HFM1: variants seen among roughly 807,000 people sequenced by gnomAD.
The protein encoded by HFM1 is helicase for meiosis 1.
In HFM1, 169 loss-of-function variants were observed where a neutral mutation model predicts 192.1. That is an observed-to-expected ratio of 0.88 (90% CI 0.78 to 1.00). The LOEUF is 1.00. HFM1 is among the 50% of genes least tolerant of loss of function. The pLI is 0.00. For synonymous variants in HFM1, 525 were observed against 537.8 expected, an observed-to-expected ratio of 0.98 and a Z score of 0.33; for missense variants, 1,661 against 1,668.0, an observed-to-expected ratio of 1.00 and a Z score of 0.07.
chr1:91,280,109 CAAAT>C (rs2100813072), intron 30 of HFM1, among the ~76,000 whole-genome samples: 1 of 152,060 alleles, frequency 6.6e-6, no homozygotes, highest in South Asian at 2.1e-4. Context: ...CAAGATTAAA[CAAAT>C]AAATTTTAAA....
chr1:91,407,379 C>G (rs1011976964), upstream of HFM1, among the ~76,000 whole-genome samples: 9 of 152,120 alleles, frequency 5.9e-5, no homozygotes, highest in Non-Finnish European at 1.2e-4. Context: ...AAATTTCTGC[C>G]CATTAAACAG....
chr1:91,392,647 TGAC>T (rs1663148718), intron 4 of HFM1, among the ~76,000 whole-genome samples: 1 of 152,040 alleles, frequency 6.6e-6, no homozygotes, highest in Non-Finnish European at 1.5e-5. Context: ...CTAATGTAAA[TGAC>T]GAGTTAATGG....
intron 30 of HFM1, among the ~76,000 whole-genome samples, chr1:91,281,298 T>C (rs1667442926): frequency 1.3e-5 from 2 of 151,550 alleles, no homozygotes; most frequent in Admixed American, 6.6e-5. Flanking sequence ...TTGCTTCCCC[T>C]GAAGTTTTGC....
At chr1:91,274,896 T>C in intron 32 of HFM1, 87 bp from the exon 33 acceptor site, 1 of 579,116 alleles carries the variant, frequency 1.7e-6, no homozygotes, top group Non-Finnish European at 3.1e-6. Context: ...TTCCTGCTGG[T>C]ACATAAAGTC....
chr1:91,372,658 G>A (rs1042823812), intron 13 of HFM1, among the ~76,000 whole-genome samples: 1 of 152,026 alleles, frequency 6.6e-6, no homozygotes, highest in African/African-American at 2.4e-5. Context: ...AATGGGTGCA[G>A]CACACCAACA....
intron 1 of HFM1, among the ~76,000 whole-genome samples, chr1:91,402,593 C>G (rs1309741684): frequency 1.3e-5 from 2 of 152,070 alleles, no homozygotes; most frequent in Non-Finnish European, 2.9e-5. Context: ...AAGTCTTTAA[C>G]AGCTTTAAGT....
At chr1:91,315,706 T>C (rs778545456) in intron 28 of HFM1, 109 bp downstream of exon 28, 1 of 699,868 alleles carries the variant, frequency 1.4e-6, no homozygotes, top group Non-Finnish European at 2.3e-6. Flanking sequence ...GTCAGGAAAA[T>C]GTAATTTAGT....
intron 16 of HFM1, 143 bp downstream of exon 16, chr1:91,352,362 CT>C: frequency 3.7e-6 from 2 of 545,960 alleles, no homozygotes; most frequent in Non-Finnish European, 6.3e-6. Context: ...GCTTGTCTTA[CT>C]TTTATTCCTC....
intron 5 of HFM1, 80 bp downstream of exon 5, chr1:91,385,495 A>T (rs994982088): frequency 2.5e-6 from 3 of 1,195,598 alleles, no homozygotes; most frequent in Middle Eastern, 2.2e-4. Flanking sequence ...CAAATTTACT[A>T]TATTTTTACA....
chr1:91,371,116 T>C (rs1660125152), intron 13 of HFM1, among the ~76,000 whole-genome samples: 1 of 151,880 alleles, frequency 6.6e-6, no homozygotes. Flanking sequence ...GGAAGAACAT[T>C]CCATGCTCAT....
rs1180326619 is a variant in HFM1, at chr1:91,288,968, C to T, written c.3392-11906G>A. Reference sequence around the variant, plus strand: ...ACGGGCCGGCCGGGCAGAGGCGCCCCCCACCTCCCGGACGGGGCGGCTGGT... The same window carrying T: ...ACGGGCCGGCCGGGCAGAGGCGCCCTCCACCTCCCGGACGGGGCGGCTGGT... On this transcript the variant is annotated intron_variant, in intron 30 of 38. Coordinates refer to ENST00000370425, the MANE Select transcript of HFM1 (RefSeq NM_001017975.6). Among the ~76,000 whole-genome samples the T allele has an allele frequency of 2.7e-5, 4 of 150,704 alleles. No individual in the cohort carries two copies. In the East Asian group the frequency reaches 8.0e-4, roughly 30 times the overall value.
intron 13 of HFM1, among the ~76,000 whole-genome samples, chr1:91,369,632 G>A (rs992463875): frequency 6.6e-6 from 1 of 152,102 alleles, no homozygotes; most frequent in African/African-American, 2.4e-5. Flanking sequence ...GCCCACAAGA[G>A]AAAGCAGGAA....
At chr1:91,316,079 C>T (rs769355520) in intron 27 of HFM1, 22 bp downstream of exon 27, 8 of 1,518,548 alleles carry the variant, frequency 5.3e-6, no homozygotes, top group Non-Finnish European at 7.3e-6. Context: ...AATAAAATAT[C>T]TAAGAAACAG....
In HFM1 at chr1:91,261,301, C is replaced by T. The variant is rs1487727392; in HGVS notation, c.4297G>A (p.Gly1433Ser). 7.4e-7 allele frequency: 1 copy of T among 1,352,992 alleles called. No homozygotes were observed. The highest frequency in any genetic ancestry group is 9.8e-7 in the Non-Finnish European group (1 of 1,018,088). The allele number at this position is 1,352,992 out of a possible 1,614,324, so 83.8% of individuals were successfully genotyped here. A position where few individuals can be genotyped will look rare whatever the true frequency, so the allele number is the denominator to read the frequency against. Residue 1433 changes from glycine (G) to serine (S), a missense_variant, in exon 39 of 39, where the codon GGT becomes AGT. By Grantham distance (56) the Gly-to-Ser change is moderately conservative (BLOSUM62 0). Transcript: ENST00000370425. The stretch of plus-strand genomic sequence containing the variant: ...AGTATTTGTTTGTTTTAGAAAATAC[C>T]ATCAAATATTCCCAATAAAGACTTC... ...EMKSLLGIFDGIF is the reference protein window; with the variant it reads ...EMKSLLGIFDSIF
intron 34 of HFM1, among the ~76,000 whole-genome samples, chr1:91,270,556 T>A (rs774385637): frequency 7.3e-5 from 11 of 149,888 alleles, no homozygotes; most frequent in Non-Finnish European, 1.3e-4. Flanking sequence ...ATAGGAAAAG[T>A]TTTTGAAGTG....
intron 30 of HFM1, among the ~76,000 whole-genome samples, chr1:91,311,196 C>T (rs1366490188): frequency 6.6e-6 from 1 of 152,182 alleles, no homozygotes; most frequent in Non-Finnish European, 1.5e-5. Context: ...AGCAAAGAGA[C>T]TGGTGGCATT....
chr1:91,406,322 T>G (rs1161169611), upstream of HFM1, among the ~76,000 whole-genome samples: 1 of 152,242 alleles, frequency 6.6e-6, no homozygotes, highest in Non-Finnish European at 1.5e-5. Flanking sequence ...AGTGATAGAA[T>G]TGTAGAATTC....
At chr1:91,291,729 G>A (rs892854477) in intron 30 of HFM1, among the ~76,000 whole-genome samples, 33 of 151,748 alleles carry the variant, frequency 2.2e-4, no homozygotes, top group Admixed American at 2.6e-4. Context: ...TGATACCAAA[G>A]ACGGGCAGAG....
chr1:91,263,629 T>C (rs1421429500), intron 36 of HFM1, among the ~76,000 whole-genome samples: 3 of 152,138 alleles, frequency 2.0e-5, no homozygotes, highest in African/African-American at 7.2e-5. Context: ...TGTATGTACC[T>C]GTAGTCCCAG....
Sources: gnomAD v4.1 joint callset for allele counts (sites outside exome capture counted in the v4.1 genomes callset) on GRCh38, gnomAD v4.1.1 for gene constraint, MANE v1.5 for transcripts, NCBI Gene and HGNC (gene_info 2026-07-23, HGNC 2026-07-21) for gene names.